Variants in CSMD1 observed in about 807,000 individuals in gnomAD.
CSMD1 encodes CUB and Sushi multiple domains 1.
A neutral mutation model predicts 417.5 loss-of-function variants in CSMD1; 213 were observed. That is an observed-to-expected ratio of 0.51 (90% CI 0.46 to 0.57). The LOEUF (loss-of-function observed/expected upper bound fraction) is 0.57. CSMD1 is among the 20% of genes least tolerant of loss of function. The pLI, the probability that CSMD1 is intolerant of heterozygous loss-of-function variation, is 0.00. For synonymous variants in CSMD1, 2,862 were observed against 1,736.8 expected, an observed-to-expected ratio of 1.65 and a Z score of -16.11; for missense variants, 6,923 against 4,529.7, an observed-to-expected ratio of 1.53 and a Z score of -15.17.
intron 18 of CSMD1, among the ~76,000 whole-genome samples, chr8:3,381,840 T>C (rs1370475768): frequency 1.3e-5 from 2 of 152,224 alleles, no homozygotes; most frequent in African/African-American, 4.8e-5. Context: ...GTTACAATTT[T>C]AGAATGTCTA....
At chr8:4,591,024 T>A (rs1318969248) in intron 2 of CSMD1, among the ~76,000 whole-genome samples, 2 of 152,208 alleles carry the variant, frequency 1.3e-5, no homozygotes, top group Non-Finnish European at 2.9e-5. Flanking sequence ...CTGCTGTCAA[T>A]CAATTGCATG....
intron 3 of CSMD1, among the ~76,000 whole-genome samples, chr8:4,308,208 CTG>C (rs934954271): frequency 2.0e-5 from 3 of 152,018 alleles, no homozygotes; most frequent in African/African-American, 4.8e-5. Flanking sequence ...TCACTTGAGA[CTG>C]TGTGGGATGT....
At chr8:3,540,476 C>A (rs1045790968) in intron 10 of CSMD1, among the ~76,000 whole-genome samples, 1 of 151,998 alleles carries the variant, frequency 6.6e-6, no homozygotes, top group African/African-American at 2.4e-5. Context: ...TCACGGGCAA[C>A]GAATTCATGA....
intron 18 of CSMD1, among the ~76,000 whole-genome samples, chr8:3,373,081 C>G (rs912690823): frequency 6.6e-6 from 1 of 152,116 alleles, no homozygotes; most frequent in Non-Finnish European, 1.5e-5. Flanking sequence ...ATCTTATATC[C>G]AAAGCTACTT....
rs139975408 is a variant in CSMD1, at chr8:4,910,790, A to G, written c.85+83542T>C. Among the ~76,000 whole-genome samples the G allele has an allele frequency of 8.4e-4, 128 of 152,314 alleles. 1 individual carries two copies. The highest frequency in any genetic ancestry group is 3.0e-3 in the African/African-American group (123 of 41,570). ...AACAAGGACCTTATAAGGTGGGAAA[A>G]TATAGTCATCCAATTGATAAATGTC... On this transcript the variant is annotated intron_variant, in intron 1 of 69. Transcript: ENST00000635120.
intron 2 of CSMD1, among the ~76,000 whole-genome samples, chr8:4,463,262 G>A (rs1042760154): frequency 6.6e-6 from 1 of 152,022 alleles, no homozygotes; most frequent in Non-Finnish European, 1.5e-5. Flanking sequence ...CACTAAAATA[G>A]GTACCATCAA....
chr8:3,858,513 C>T (rs1804467961), intron 5 of CSMD1, among the ~76,000 whole-genome samples: 1 of 152,134 alleles, frequency 6.6e-6, no homozygotes, highest in Admixed American at 6.6e-5. Flanking sequence ...GGAAGGCCTA[C>T]TTAATTTTGA....
intron 5 of CSMD1, among the ~76,000 whole-genome samples, chr8:3,838,089 G>C (rs1483294794): frequency 1.3e-5 from 2 of 152,082 alleles, no homozygotes; most frequent in East Asian, 3.9e-4. Flanking sequence ...GAAAGCTGTA[G>C]CAGAAACTGG....
chr8:4,443,795 A>G (rs990942972), intron 2 of CSMD1, among the ~76,000 whole-genome samples: 2 of 152,202 alleles, frequency 1.3e-5, no homozygotes, highest in Non-Finnish European at 2.9e-5. Context: ...GATCTGTGTC[A>G]TGTCCAGAAA....
intron 8 of CSMD1, among the ~76,000 whole-genome samples, chr8:3,595,021 T>C (rs1801025880): frequency 6.6e-6 from 1 of 152,226 alleles, no homozygotes; most frequent in African/African-American, 2.4e-5. Context: ...GTGCAGTCTC[T>C]CAGCATCCAC....
chr8:3,494,561 T>TAGGTAGGC (rs747093804), intron 10 of CSMD1, among the ~76,000 whole-genome samples: 2,553 of 45,900 alleles, frequency 0.056, 27 homozygotes, highest in Non-Finnish European at 0.067. Context: ...AGATGATAGA[T>TAGGTAGGC]AGATAGATAG....
intron 46 of CSMD1, among the ~76,000 whole-genome samples, chr8:3,102,075 G>A (rs960873219): frequency 2.6e-5 from 4 of 151,998 alleles, no homozygotes; most frequent in South Asian, 2.1e-4. Flanking sequence ...GTGCTGGGAT[G>A]GTGATAAGTT....
chr8:4,404,977 G>A (rs928221660), intron 3 of CSMD1, among the ~76,000 whole-genome samples: 1 of 152,148 alleles, frequency 6.6e-6, no homozygotes, highest in South Asian at 2.1e-4. Context: ...AGGCACAAGA[G>A]GATTAGTCAT....
At chr8:3,666,729 C>G (rs1563251026) in intron 7 of CSMD1, among the ~76,000 whole-genome samples, 1 of 152,196 alleles carries the variant, frequency 6.6e-6, no homozygotes, top group Non-Finnish European at 1.5e-5. Context: ...ACCCCTTTGG[C>G]TTGGCTCTCA....
chr8:3,273,063 TG>T (rs1801989449), intron 26 of CSMD1, among the ~76,000 whole-genome samples: 1 of 152,110 alleles, frequency 6.6e-6, no homozygotes, highest in Admixed American at 6.6e-5. Flanking sequence ...ATATTGGCTG[TG>T]GGTTTGTTAT....
intron 1 of CSMD1, among the ~76,000 whole-genome samples, chr8:4,702,928 A>C (rs143611239): frequency 2.6e-5 from 4 of 152,184 alleles, no homozygotes; most frequent in Admixed American, 2.6e-4. Flanking sequence ...AGACTTCTAA[A>C]ATGACAAAAT....
intron 3 of CSMD1, among the ~76,000 whole-genome samples, chr8:4,191,512 G>C (rs1799031103): frequency 6.6e-6 from 1 of 152,162 alleles, no homozygotes; most frequent in African/African-American, 2.4e-5. Context: ...TACTGGTGAA[G>C]TGGAGGTCAC....
intron 3 of CSMD1, among the ~76,000 whole-genome samples, chr8:4,043,909 C>T (rs1248645642): frequency 6.6e-6 from 1 of 152,132 alleles, no homozygotes; most frequent in Non-Finnish European, 1.5e-5. Flanking sequence ...AAACCTGAAT[C>T]TGTATAGACC....
chr8:3,389,048 T>C (rs995066520), intron 17 of CSMD1, among the ~76,000 whole-genome samples: 1 of 152,174 alleles, frequency 6.6e-6, no homozygotes, highest in Non-Finnish European at 1.5e-5. Context: ...GGTGAATGAT[T>C]TTTGTTGTTG....
Sources: gnomAD v4.1 joint callset for allele counts (sites outside exome capture counted in the v4.1 genomes callset) on GRCh38, gnomAD v4.1.1 for gene constraint, MANE v1.5 for transcripts, NCBI Gene and HGNC (gene_info 2026-07-23, HGNC 2026-07-21) for gene names.